The following RPA3 variants were observed in gnomAD, a reference collection of about 807,000 sequenced individuals.
RPA3 encodes the protein replication protein A 14 kDa subunit.
RPA3 carries 24 observed loss-of-function variants against 13.7 expected under a neutral mutation model. The ratio of observed to expected loss-of-function variants is 1.75; its 90% CI spans 1.27 to 2.46. The LOEUF (loss-of-function observed/expected upper bound fraction) is 2.46. RPA3 is among the 30% of genes most tolerant of loss of function. The pLI is 0.00. For missense variants in RPA3, 183 were observed against 151.0 expected (o/e 1.21, Z -1.11); for synonymous variants, 59 against 51.2 (o/e 1.15, Z -0.65).
intron 4 of RPA3, among the ~76,000 whole-genome samples, chr7:7,670,403 A>T (rs1779577073): frequency 6.6e-6 from 1 of 152,208 alleles, no homozygotes; most frequent in Non-Finnish European, 1.5e-5. Context: ...GGCACAGTGA[A>T]CAAGGCAAGT....
chr7:7,716,655 AGGCCGGCGC>A (rs766158371), intron 1 of RPA3, among the ~76,000 whole-genome samples: 44 of 152,228 alleles, frequency 2.9e-4, no homozygotes, highest in Admixed American at 5.9e-4. Context: ...ATTAGGGTGG[AGGCCGGCGC>A]GGCCGGCGCG....
chr7:7,692,534 C>T (rs1780196721), intron 2 of RPA3: 2 of 152,206 alleles, frequency 1.3e-5, no homozygotes, highest in Admixed American at 1.3e-4. Flanking sequence ...GAAGCTTTAA[C>T]AAGGTAGATC....
intron 4 of RPA3, among the ~76,000 whole-genome samples, chr7:7,647,104 G>C (rs577923610): frequency 6.6e-6 from 1 of 152,088 alleles, no homozygotes; most frequent in Non-Finnish European, 1.5e-5. Context: ...TTGAGTGTTT[G>C]GTAGTGTTCA....
chr7:7,680,276 C>T (rs1779876779), intron 4 of RPA3, among the ~76,000 whole-genome samples: 1 of 152,050 alleles, frequency 6.6e-6, no homozygotes, highest in Non-Finnish European at 1.5e-5. Flanking sequence ...CCAGTTTTCC[C>T]AGCACCACTG....
At position 7,716,949 on chromosome 7, in the gene RPA3, C is replaced by T. The variant is rs552999957; in HGVS notation, c.-1080+1566G>A. 8.5e-5 allele frequency among the ~76,000 whole-genome samples: 13 copies of T among 152,258 alleles called. 1 individual carries two copies. The highest frequency in any genetic ancestry group is 3.1e-4 in the African/African-American group (13 of 41,546). ...GCCCTATGTAAATCAGACACCGCCT[C>T]CTATAAAACCAACCTCTTCTTGCCC... On this transcript the variant is annotated intron_variant, in intron 1 of 7. Transcript: ENST00000223129.
At chr7:7,696,430 T>G (rs1366598547) in intron 2 of RPA3, among the ~76,000 whole-genome samples, 2 of 152,172 alleles carry the variant, frequency 1.3e-5, no homozygotes, top group Non-Finnish European at 2.9e-5. Flanking sequence ...AAAATACTTC[T>G]TAGAAGTCCT....
intron 2 of RPA3, among the ~76,000 whole-genome samples, chr7:7,713,398 G>GT (rs796648586): frequency 0.053 from 7,517 of 140,886 alleles, 396 homozygotes; most frequent in African/African-American, 0.14. Flanking sequence ...TATAGACAGA[G>GT]TTTTTTTTTT....
intron 3 of RPA3, among the ~76,000 whole-genome samples, chr7:7,686,716 C>T (rs1434631356): frequency 6.6e-6 from 1 of 152,212 alleles, no homozygotes; most frequent in African/African-American, 2.4e-5. Flanking sequence ...GGGGCAGACA[C>T]TACTAGTCCC....
chr7:7,705,952 C>G (rs2115162544), intron 2 of RPA3, among the ~76,000 whole-genome samples: 1 of 152,144 alleles, frequency 6.6e-6, no homozygotes, highest in Non-Finnish European at 1.5e-5. Context: ...CCTAAAACTG[C>G]TCTAAAAAAT....
At chr7:7,692,173 T>C (rs2115138294) in intron 2 of RPA3, among the ~76,000 whole-genome samples, 1 of 152,182 alleles carries the variant, frequency 6.6e-6, no homozygotes, top group Admixed American at 6.5e-5. Context: ...TCCCTTACTC[T>C]GGAAAGCAGC....
At chr7:7,710,306 G>T (rs924634212) in intron 2 of RPA3, among the ~76,000 whole-genome samples, 1 of 151,922 alleles carries the variant, frequency 6.6e-6, no homozygotes, top group African/African-American at 2.4e-5. Context: ...TGCAAAAATT[G>T]CCCAAAATGA....
At chr7:7,651,011 G>C (rs1224255881) in intron 4 of RPA3, among the ~76,000 whole-genome samples, 1 of 152,158 alleles carries the variant, frequency 6.6e-6, no homozygotes, top group Non-Finnish European at 1.5e-5. Flanking sequence ...GGTACAAAAA[G>C]CCAGGTGCAT....
At chr7:7,643,106 G>A (rs888055087) in intron 4 of RPA3, among the ~76,000 whole-genome samples, 1 of 152,116 alleles carries the variant, frequency 6.6e-6, no homozygotes, top group African/African-American at 2.4e-5. Context: ...GGCAATTACC[G>A]AATTTGCTTC....
At chr7:7,716,926 C>T (rs1330168358) in intron 1 of RPA3, among the ~76,000 whole-genome samples, 1 of 152,130 alleles carries the variant, frequency 6.6e-6, no homozygotes, top group African/African-American at 2.4e-5. Context: ...TCTCTCGTGC[C>T]CTATGTAAAT....
intron 4 of RPA3, among the ~76,000 whole-genome samples, chr7:7,675,156 C>T (rs1413350246): frequency 6.6e-6 from 1 of 152,180 alleles, no homozygotes; most frequent in East Asian, 1.9e-4. Flanking sequence ...TGAGCCACCA[C>T]GTCCAGCCTC....
chr7:7,690,103 A>G (rs1343610100), intron 2 of RPA3, among the ~76,000 whole-genome samples: 1 of 152,172 alleles, frequency 6.6e-6, no homozygotes, highest in Non-Finnish European at 1.5e-5. Context: ...GGAACGTATT[A>G]CTGATATTAG....
intron 2 of RPA3, among the ~76,000 whole-genome samples, chr7:7,691,748 A>G (rs1402460257): frequency 6.6e-6 from 1 of 152,170 alleles, no homozygotes; most frequent in Admixed American, 6.5e-5. Context: ...ATTTATTCTA[A>G]TCTTTATCGA....
chr7:7,655,151 T>G (rs943061979), intron 4 of RPA3, among the ~76,000 whole-genome samples: 3 of 152,054 alleles, frequency 2.0e-5, no homozygotes, highest in Non-Finnish European at 2.9e-5. Flanking sequence ...TAGCTGGCAG[T>G]TGAGATTATC....
At chr7:7,663,981 A>G (rs1779368054) in intron 4 of RPA3, among the ~76,000 whole-genome samples, 1 of 152,220 alleles carries the variant, frequency 6.6e-6, no homozygotes, top group Non-Finnish European at 1.5e-5. Flanking sequence ...GATTAGATTT[A>G]GGCTATTAAT....
Sources: gnomAD v4.1 joint callset for allele counts (sites outside exome capture counted in the v4.1 genomes callset) on GRCh38, gnomAD v4.1.1 for gene constraint, MANE v1.5 for transcripts, NCBI Gene and HGNC (gene_info 2026-07-23, HGNC 2026-07-21) for gene names.